The following TLCD4 variants were observed in gnomAD, a reference collection of about 807,000 sequenced individuals.
TLCD4 encodes the protein TLC domain containing 4, also known as TLC domain-containing protein 4.
Under a neutral mutation model 24.2 loss-of-function variants are expected in TLCD4, and 7 were observed. The observed-to-expected ratio is 0.29, with a 90% CI of 0.16 to 0.54. The LOEUF (loss-of-function observed/expected upper bound fraction) is 0.54. TLCD4 is among the 20% of genes least tolerant of loss of function. The pLI, the probability that TLCD4 is intolerant of heterozygous loss-of-function variation, is 0.95. For synonymous variants in TLCD4, 103 were observed against 106.4 expected, an observed-to-expected ratio of 0.97 and a Z score of 0.20; for missense variants, 259 against 313.9, an observed-to-expected ratio of 0.82 and a Z score of 1.32.
the TLCD4 span, among the ~76,000 whole-genome samples, chr1:95,102,945 G>A: frequency 6.6e-6 from 1 of 151,738 alleles, no homozygotes; most frequent in Non-Finnish European, 1.5e-5. Context: ...TTTAGCAAGA[G>A]TAGTGTATTT....
chr1:95,127,061 C>A (rs1311661111), intron 1 of TLCD4, among the ~76,000 whole-genome samples: 1 of 152,230 alleles, frequency 6.6e-6, no homozygotes, highest in Admixed American at 6.5e-5. Context: ...ACATAACTAT[C>A]TTGCCATTAG....
chr1:95,139,568 C>T (rs907303043), intron 1 of TLCD4, among the ~76,000 whole-genome samples: 3 of 145,604 alleles, frequency 2.1e-5, no homozygotes, highest in Non-Finnish European at 4.5e-5. Context: ...AAGTGATTCT[C>T]CTGCCTCAGC....
the TLCD4 span, among the ~76,000 whole-genome samples, chr1:95,098,217 G>GT: frequency 6.6e-6 from 1 of 152,094 alleles, no homozygotes; most frequent in Admixed American, 6.6e-5. Context: ...ATAACTGGTG[G>GT]TTTTTTTGAC....
chr1:95,115,648 T>C (rs1023932067), upstream of TLCD4, among the ~76,000 whole-genome samples: 22 of 152,230 alleles, frequency 1.4e-4, no homozygotes, highest in Admixed American at 3.9e-4. Flanking sequence ...TGTAGAGGCC[T>C]AATATGAAGG....
At chr1:95,105,201 G>A in the TLCD4 span, among the ~76,000 whole-genome samples, 2 of 152,122 alleles carry the variant, frequency 1.3e-5, no homozygotes, top group Non-Finnish European at 2.9e-5. Context: ...GCAATGAAAC[G>A]CATTCAGTAG....
chr1:95,176,372 G>A (rs142677387), intron 6 of TLCD4, among the ~76,000 whole-genome samples: 2,080 of 151,350 alleles, frequency 0.014, 71 homozygotes, highest in African/African-American at 0.048. Context: ...TGTATTTTTC[G>A]TAGAAATGGG....
rs1028814346 is a variant in TLCD4 at position 95,178,111 on chromosome 1, C to T, written c.473+4222C>T. On this transcript the variant is annotated intron_variant, in intron 6 of 6. Coordinates refer to ENST00000370203, the MANE Select transcript of TLCD4 (RefSeq NM_152487.3). ...GACTTCAGGCGCATGCTGCCACACC[C>T]GGCTTTTTGTATTTTAGTAGAGATG... Among the ~76,000 whole-genome samples, 24 of 151,200 alleles carry T rather than the reference C, an allele frequency of 1.6e-4. No homozygotes were observed. In the East Asian group the frequency reaches 2.3e-3, roughly 15 times the overall value.
At chr1:95,092,953 G>A in the TLCD4 span, among the ~76,000 whole-genome samples, 1 of 152,156 alleles carries the variant, frequency 6.6e-6, no homozygotes, top group African/African-American at 2.4e-5. Context: ...TGGACAGGCT[G>A]GTCTTGAACT....
At chr1:95,152,022 T>C (rs1184302041) in intron 5 of TLCD4, among the ~76,000 whole-genome samples, 3 of 152,118 alleles carry the variant, frequency 2.0e-5, no homozygotes, top group Admixed American at 2.0e-4. Context: ...ATCAATTGTT[T>C]TTCAACATAA....
intron 1 of TLCD4, among the ~76,000 whole-genome samples, chr1:95,134,809 G>C (rs1258302074): frequency 1.3e-5 from 2 of 152,210 alleles, no homozygotes; most frequent in Admixed American, 1.3e-4. Context: ...CCTGTGTGCT[G>C]CTGGAGGTGG....
At chr1:95,187,763 T>TA (rs922359736) in intron 6 of TLCD4, among the ~76,000 whole-genome samples, 47 of 152,030 alleles carry the variant, frequency 3.1e-4, no homozygotes, top group African/African-American at 1.1e-3. Flanking sequence ...GGGACTGCCA[T>TA]AAAAAATGCC....
At position 95,191,541 on chromosome 1, in the gene TLCD4, A is replaced by AT; in HGVS notation, c.474-4dup. On this transcript the variant is annotated splice_polypyrimidine_tract_variant and intron_variant, in intron 6 of 6. Coordinates refer to ENST00000370203, the MANE Select transcript of TLCD4 (RefSeq NM_152487.3). ...TATAAATGTGATGTTTCTTTAATTC[A>AT]TTTTTCAGGTGGTTCTTTGAAGCTC... 6.3e-7 allele frequency: 1 copy of AT among 1,592,878 alleles called. No individual in the cohort carries two copies. The highest frequency in any genetic ancestry group is 8.5e-7 in the Non-Finnish European group (1 of 1,171,108).
chr1:95,174,982 G>A (rs949644387), intron 6 of TLCD4, among the ~76,000 whole-genome samples: 2 of 152,036 alleles, frequency 1.3e-5, no homozygotes, highest in East Asian at 3.9e-4. Context: ...CGCCATGTTG[G>A]CCAGGCTGGT....
At chr1:95,169,247 C>G (rs868620889) in intron 5 of TLCD4, among the ~76,000 whole-genome samples, 4 of 152,318 alleles carry the variant, frequency 2.6e-5, no homozygotes, top group Middle Eastern at 3.4e-3. Context: ...CTAGCAAGTT[C>G]CCAGGTCATG....
At chr1:95,123,566 T>G (rs1167131097) in intron 1 of TLCD4, among the ~76,000 whole-genome samples, 1 of 152,130 alleles carries the variant, frequency 6.6e-6, no homozygotes, top group African/African-American at 2.4e-5. Context: ...AGAATGAAAA[T>G]TCACCTCTGC....
the TLCD4 span, among the ~76,000 whole-genome samples, chr1:95,101,609 T>C: frequency 6.6e-6 from 1 of 152,136 alleles, no homozygotes; most frequent in Non-Finnish European, 1.5e-5. Context: ...CTCAAGAAAC[T>C]CTGATTTACA....
chr1:95,102,991 T>C, the TLCD4 span, among the ~76,000 whole-genome samples: 1 of 151,944 alleles, frequency 6.6e-6, no homozygotes, highest in African/African-American at 2.4e-5. Flanking sequence ...AAAAATTTTT[T>C]TTTTTGAGAC....
chr1:95,092,988 C>G, the TLCD4 span, among the ~76,000 whole-genome samples: 1 of 152,244 alleles, frequency 6.6e-6, no homozygotes, highest in Non-Finnish European at 1.5e-5. Flanking sequence ...ATCTGCCCAC[C>G]TCAGCCTCCC....
chr1:95,151,201 T>G, intron 4 of TLCD4, 124 bp from the exon 5 acceptor site: 1 of 929,088 alleles, frequency 1.1e-6, no homozygotes, highest in Non-Finnish European at 1.7e-6. Flanking sequence ...AACTGAGGGA[T>G]GAACAAAGTG....
Sources: allele counts gnomAD v4.1 joint callset (sites outside exome capture counted in the v4.1 genomes callset), GRCh38; gene constraint gnomAD v4.1.1; transcripts MANE v1.5; gene names NCBI Gene and HGNC (gene_info 2026-07-23, HGNC 2026-07-21).